TLE4: variants seen among roughly 807,000 people sequenced by gnomAD.
TLE4 encodes the protein TLE family member 4, transcriptional corepressor.
In TLE4, 8 loss-of-function variants were observed where a neutral mutation model predicts 92.8. That is an observed-to-expected ratio of 0.09 (90% CI 0.05 to 0.16). TLE4 has a LOEUF of 0.16. Ranked by LOEUF, TLE4 falls within the 10% of genes least tolerant of loss-of-function variation. TLE4 has a pLI of 1.00. For missense variants in TLE4, 675 were observed against 997.6 expected, an observed-to-expected ratio of 0.68 and a Z score of 4.36; for synonymous variants, 371 against 374.1, an observed-to-expected ratio of 0.99 and a Z score of 0.10.
rs752533275 is a variant in TLE4 at position 79,573,732 on chromosome 9, A to C, written c.89A>C (p.Glu30Ala). The change falls in exon 2 of 20, where the codon GAA (glutamate) becomes GCA (alanine). Residue 30 changes from glutamate (E) to alanine (A), a missense_variant. Physicochemically the swap from Glu to Ala is moderately radical, Grantham distance 107. Around this residue, in one of 5 missense-constraint regions of TLE4, gnomAD observed 68 missense variants for 141.2 expected, o/e 0.48. Transcript: ENST00000376552. The stretch of plus-strand genomic sequence containing the variant: ...CAACCCTTTAAATTTACAATTTCCG[A>C]ATCCTGTGATCGGATTAAGGAAGAG... Reference protein sequence around the residue: ...PAQPFKFTISESCDRIKEEFQ... With the variant: ...PAQPFKFTISASCDRIKEEFQ... The C allele has an allele frequency of 1.9e-6, 3 of 1,607,414 alleles. No individual in the cohort carries two copies. The highest frequency in any genetic ancestry group is 2.7e-5 in the African/African-American group (2 of 74,854).
chr9:79,667,056 G>A (rs1360879317), intron 8 of TLE4, among the ~76,000 whole-genome samples: 1 of 152,216 alleles, frequency 6.6e-6, no homozygotes, highest in Non-Finnish European at 1.5e-5. Flanking sequence ...ACACACCCTA[G>A]TTCTTACTTC....
At chr9:79,581,938 G>A (rs1419668635) in intron 4 of TLE4, among the ~76,000 whole-genome samples, 10 of 152,074 alleles carry the variant, frequency 6.6e-5, no homozygotes, top group Non-Finnish European at 1.5e-4. Context: ...GCTTTCACTC[G>A]GAATCTCCCA....
intron 8 of TLE4, among the ~76,000 whole-genome samples, chr9:79,688,931 G>A (rs1398220757): frequency 6.6e-6 from 1 of 152,008 alleles, no homozygotes; most frequent in Non-Finnish European, 1.5e-5. Context: ...CAAGCTATAA[G>A]CCAGCATAAC....
chr9:79,654,165 A>G, intron 8 of TLE4, 90 bp downstream of exon 8: 3 of 1,362,254 alleles, frequency 2.2e-6, no homozygotes, highest in Non-Finnish European at 3.1e-6. Context: ...TGAGATTTAG[A>G]GAATGATTTC....
chr9:79,608,433 G>A (rs1018369223), intron 4 of TLE4, among the ~76,000 whole-genome samples: 1 of 152,062 alleles, frequency 6.6e-6, no homozygotes, highest in Non-Finnish European at 1.5e-5. Context: ...AAGGTTGCAA[G>A]ATTTATTTGT....
Position 79,655,614 on chromosome 9 carries a change from G to A in TLE4, c.609+1539G>A, listed in dbSNP as rs143338438. On this transcript the variant is annotated intron_variant, in intron 8 of 19. Transcript: ENST00000376552. ...TATTTAATTATGCATTTGCAGTTGT[G>A]TATTTTGTTGTATCATATGCATATC... Among the ~76,000 whole-genome samples the A allele has an allele frequency of 3.5e-3, 532 of 152,274 alleles. 6 individuals are homozygous for A. The highest frequency in any genetic ancestry group is 0.012 in the African/African-American group (487 of 41,552).
intron 5 of TLE4, among the ~76,000 whole-genome samples, chr9:79,627,029 A>T (rs2052795021): frequency 6.6e-6 from 1 of 152,206 alleles, no homozygotes; most frequent in South Asian, 2.1e-4. Flanking sequence ...AGTACAAAGA[A>T]AGCAAGTGGG....
chr9:79,638,855 C>G (rs943649793), intron 6 of TLE4, among the ~76,000 whole-genome samples: 1 of 152,076 alleles, frequency 6.6e-6, no homozygotes, highest in African/African-American at 2.4e-5. Context: ...TCAGAATGGC[C>G]TCTGAGCAAA....
At chr9:79,632,016 C>T (rs558209999) in intron 6 of TLE4, among the ~76,000 whole-genome samples, 2 of 152,110 alleles carry the variant, frequency 1.3e-5, no homozygotes, top group Non-Finnish European at 2.9e-5. Flanking sequence ...CTGGGCCCAC[C>T]GTGTACCCCT....
chr9:79,641,231 T>G (rs1444223855), intron 6 of TLE4, among the ~76,000 whole-genome samples: 1 of 151,634 alleles, frequency 6.6e-6, no homozygotes, highest in Admixed American at 6.6e-5. Context: ...AATACTCACT[T>G]GGAATGAAAA....
chr9:79,611,396 GT>G lies in TLE4; in HGVS notation c.253-1256del, dbSNP rs368093970. ...ATTTGAAACTTCATGGTGAATTTGT[GT>G]TTTCTTTTGGCTGGTAAAGTTTTTA... is the stretch of plus-strand genomic sequence containing the variant. On this transcript the variant is annotated intron_variant, in intron 4 of 19. Coordinates refer to ENST00000376552, the MANE Select transcript of TLE4 (RefSeq NM_007005.6). Among the ~76,000 whole-genome samples the G allele has an allele frequency of 1.1e-4, 16 of 152,156 alleles. No individual in the cohort carries two copies. In the East Asian group the frequency reaches 3.1e-3, roughly 29 times the overall value.
At chr9:79,594,728 A>G (rs919013702) in intron 4 of TLE4, among the ~76,000 whole-genome samples, 6 of 152,134 alleles carry the variant, frequency 3.9e-5, no homozygotes, top group East Asian at 1.9e-4. Context: ...CCTCTCTTCA[A>G]CAGGTACCCT....
intron 5 of TLE4, among the ~76,000 whole-genome samples, chr9:79,617,571 A>G (rs985670931): frequency 4.6e-5 from 7 of 152,194 alleles, no homozygotes; most frequent in Non-Finnish European, 8.8e-5. Flanking sequence ...GAGCACATTC[A>G]TTGGAAGAGG....
chr9:79,631,683 G>T (rs2054290957), intron 6 of TLE4, among the ~76,000 whole-genome samples: 1 of 132,610 alleles, frequency 7.5e-6, no homozygotes, highest in Non-Finnish European at 1.6e-5. Context: ...TGACAACGTG[G>T]TAAGAGGGTC....
intron 5 of TLE4, among the ~76,000 whole-genome samples, chr9:79,619,469 C>A (rs1262426054): frequency 3.3e-5 from 5 of 152,188 alleles, no homozygotes. Context: ...TGGTTATATG[C>A]ACTGGTGGAA....
chr9:79,636,058 A>G (rs1353362193), intron 6 of TLE4, among the ~76,000 whole-genome samples: 1 of 152,076 alleles, frequency 6.6e-6, no homozygotes, highest in African/African-American at 2.4e-5. Context: ...CTGATAGGCT[A>G]CCATGTTTCC....
intron 4 of TLE4, among the ~76,000 whole-genome samples, chr9:79,606,750 C>T (rs2047096259): frequency 6.6e-6 from 1 of 152,086 alleles, no homozygotes; most frequent in African/African-American, 2.4e-5. Flanking sequence ...TGTATATGTA[C>T]CACATTTTCT....
At chr9:79,646,087 T>A (rs542240704) in intron 6 of TLE4, among the ~76,000 whole-genome samples, 48 of 148,364 alleles carry the variant, frequency 3.2e-4, no homozygotes, top group South Asian at 1.2e-3. Flanking sequence ...ATATATATAT[T>A]TTTTTTAACC....
At chr9:79,704,758 A>G (rs1044753568) in intron 8 of TLE4, 25 bp from the exon 9 acceptor site, 50 of 1,596,678 alleles carry the variant, frequency 3.1e-5, no homozygotes, top group African/African-American at 5.4e-5. Context: ...TTTCTCAACC[A>G]TGCTTCCTCT....
Sources: allele counts gnomAD v4.1 joint callset (sites outside exome capture counted in the v4.1 genomes callset), GRCh38; gene constraint gnomAD v4.1.1; regional missense constraint gnomAD v4.1.1; transcripts MANE v1.5; gene names NCBI Gene and HGNC (gene_info 2026-07-23, HGNC 2026-07-21).